CFI: variants seen among roughly 807,000 people sequenced by gnomAD.
CFI encodes C3B/C4B inactivator.
In CFI, 66 loss-of-function variants were observed where a neutral mutation model predicts 78.8. The ratio of observed to expected loss-of-function variants is 0.84; its 90% confidence interval spans 0.69 to 1.03. The LOEUF is 1.03. CFI is among the 50% of genes least tolerant of loss of function. The pLI is 0.00. For missense variants in CFI, 706 were observed against 704.5 expected (o/e 1.00, Z -0.02); for synonymous variants, 250 against 232.6 (o/e 1.07, Z -0.68).
chr4:109,752,951 A>G (rs1487715603), intron 7 of CFI, among the ~76,000 whole-genome samples: 1 of 74,008 alleles, frequency 1.4e-5, no homozygotes, highest in African/African-American at 4.6e-5. Flanking sequence ...AATATTTATA[A>G]TACATATTTA....
the CFI span, among the ~76,000 whole-genome samples, chr4:109,734,578 C>A: frequency 1.3e-5 from 2 of 152,098 alleles, no homozygotes; most frequent in African/African-American, 2.4e-5. Context: ...CCAAGGCGGG[C>A]AGATCACACG....
intron 1 of CFI, among the ~76,000 whole-genome samples, chr4:109,771,575 G>T (rs772513582): frequency 6.6e-6 from 1 of 151,202 alleles, no homozygotes; most frequent in Non-Finnish European, 1.5e-5. Flanking sequence ...TTAGCCGGGC[G>T]TAGTGGTGTG....
intron 1 of CFI, among the ~76,000 whole-genome samples, chr4:109,771,466 A>T (rs1333347027): frequency 6.6e-6 from 1 of 151,166 alleles, no homozygotes; most frequent in Non-Finnish European, 1.5e-5. Context: ...GCACTTTGGG[A>T]TGCTGAGGCA....
chr4:109,790,822 C>T (rs979660688), intron 1 of CFI, among the ~76,000 whole-genome samples: 5 of 152,046 alleles, frequency 3.3e-5, no homozygotes, highest in Admixed American at 6.6e-5. Flanking sequence ...TGTATATGTA[C>T]CACATTTTCT....
chr4:109,737,271 C>G (rs532385003), downstream of CFI, among the ~76,000 whole-genome samples: 35 of 152,210 alleles, frequency 2.3e-4, no homozygotes, highest in South Asian at 7.3e-3. Context: ...CTTAGCTGCA[C>G]CCTGGGCTCC....
intron 1 of CFI, among the ~76,000 whole-genome samples, chr4:109,797,942 T>C (rs1579328171): frequency 6.6e-6 from 1 of 152,050 alleles, no homozygotes; most frequent in South Asian, 2.1e-4. Flanking sequence ...TCTTCTACAG[T>C]TGTGGAAGAA....
chr4:109,768,053 C>T (rs1268542302), intron 1 of CFI, among the ~76,000 whole-genome samples: 2 of 144,396 alleles, frequency 1.4e-5, no homozygotes, highest in Non-Finnish European at 3.0e-5. Flanking sequence ...AACACCACAT[C>T]GTCTCACTCA....
At chr4:109,754,886 C>T (rs1725937971) in intron 7 of CFI, among the ~76,000 whole-genome samples, 1 of 152,178 alleles carries the variant, frequency 6.6e-6, no homozygotes. Context: ...TTAATATAAT[C>T]AAAGCTGAGG....
chr4:109,739,633 A>G (rs1723593172), downstream of CFI, among the ~76,000 whole-genome samples: 2 of 152,174 alleles, frequency 1.3e-5, no homozygotes, highest in Admixed American at 6.5e-5. Flanking sequence ...TCACATGGCA[A>G]TGGTATATAC....
chr4:109,796,118 G>C (rs545531945), intron 1 of CFI, among the ~76,000 whole-genome samples: 1 of 152,232 alleles, frequency 6.6e-6, no homozygotes, highest in African/African-American at 2.4e-5. Flanking sequence ...AAAGCAACTT[G>C]TCATATACAA....
chr4:109,731,926 C>T, the CFI span, among the ~76,000 whole-genome samples: 4 of 152,160 alleles, frequency 2.6e-5, no homozygotes, highest in Non-Finnish European at 4.4e-5. Flanking sequence ...GAATCATTGT[C>T]TTAGCTTTCT....
chr4:109,753,367 TA>T (rs1202428132), intron 7 of CFI, among the ~76,000 whole-genome samples: 1 of 50,864 alleles, frequency 2.0e-5, no homozygotes, highest in African/African-American at 7.6e-5. Context: ...TAAATATTTA[TA>T]ATATATATTT....
chr4:109,764,359 G>T (rs1727459873), intron 3 of CFI, 178 bp downstream of exon 3: 1 of 693,402 alleles, frequency 1.4e-6, no homozygotes, highest in East Asian at 2.6e-5. Context: ...TTGTCAGCAG[G>T]GTTCCAAGTG....
chr4:109,760,749 T>C (rs1726953500), intron 4 of CFI, 113 bp from the exon 5 acceptor site: 1 of 722,486 alleles, frequency 1.4e-6, no homozygotes, highest in Non-Finnish European at 2.5e-6. Flanking sequence ...TTCAAAAAAA[T>C]GTATAAAACG....
chr4:109,773,614 A>G (rs557591508), intron 1 of CFI, among the ~76,000 whole-genome samples: 7 of 152,210 alleles, frequency 4.6e-5, no homozygotes, highest in South Asian at 4.1e-4. Context: ...TACACTCTTT[A>G]TAATTCAAAC....
At position 109,746,263 on chromosome 4, in the gene CFI, G is replaced by C; in HGVS notation, c.1388C>G (p.Pro463Arg). ...GCCAGAAACGATGCATGTATCATTA[G>C]GTTGGAATAGGTAAGGAGACCAGGG... is the stretch of plus-strand genomic sequence containing the variant. ...CVPWSPYLFQ[P>R]NDTCIVSGWG... The change falls in exon 11 of 13, where the codon CCT becomes CGT. Residue 463 changes from proline to arginine, a missense_variant. Physicochemically the swap from Pro to Arg is moderately radical, Grantham distance 103. Coordinates refer to ENST00000394634, the MANE Select transcript of CFI (RefSeq NM_000204.5). 6.2e-7 allele frequency: 1 copy of C among 1,614,142 alleles called. No individual in the cohort carries two copies. The highest frequency in any genetic ancestry group is 8.5e-7 in the Non-Finnish European group (1 of 1,180,024).
intron 7 of CFI, among the ~76,000 whole-genome samples, chr4:109,753,688 A>T (rs11946294): frequency 2.3e-5 from 1 of 43,282 alleles, no homozygotes; most frequent in African/African-American, 1.2e-4. Context: ...TATATATTAT[A>T]TAATGTATAA....
intron 11 of CFI, 30 bp downstream of exon 11, chr4:109,746,192 C>T (rs755528877): frequency 1.2e-6 from 2 of 1,612,742 alleles, no homozygotes; most frequent in South Asian, 1.1e-5. Flanking sequence ...CAACTCATGG[C>T]TTCTGATTAA....
downstream of CFI, among the ~76,000 whole-genome samples, chr4:109,740,543 C>A (rs1237604299): frequency 1.3e-5 from 2 of 152,128 alleles, no homozygotes; most frequent in Admixed American, 6.5e-5. Flanking sequence ...ACAAAGAAGA[C>A]AATAAATTGT....
Sources: gnomAD v4.1 joint callset for allele counts (sites outside exome capture counted in the v4.1 genomes callset) on GRCh38, gnomAD v4.1.1 for gene constraint, MANE v1.5 for transcripts, NCBI Gene and HGNC (gene_info 2026-07-23, HGNC 2026-07-21) for gene names.